The following DCHS2 variants were observed in gnomAD, a reference collection of about 807,000 sequenced individuals.
DCHS2 encodes the protein dachsous cadherin-related 2.
In DCHS2, 142 loss-of-function variants were observed where a neutral mutation model predicts 182.4. The observed-to-expected ratio is 0.78, with a 90% CI of 0.68 to 0.89. The LOEUF (loss-of-function observed/expected upper bound fraction) is 0.89, where lower values mean the gene tolerates loss of function less well. Ranked by LOEUF, DCHS2 falls within the 40% of genes least tolerant of loss-of-function variation. The pLI, the probability that DCHS2 is intolerant of heterozygous loss-of-function variation, is 0.00. For missense variants in DCHS2, 4,319 were observed against 4,198.6 expected (o/e 1.03, Z -0.79); for synonymous variants, 1,740 against 1,663.3 (o/e 1.05, Z -1.12).
At chr4:154,449,592 C>T (rs919428018) in intron 1 of DCHS2, among the ~76,000 whole-genome samples, 16 of 152,204 alleles carry the variant, frequency 1.1e-4, no homozygotes, top group African/African-American at 3.4e-4. Context: ...AGGCTGGTCT[C>T]GAACTCCTGG....
At chr4:154,377,535 C>T in intron 1 of DCHS2, 91 bp from the exon 2 acceptor site, 1 of 975,286 alleles carries the variant, frequency 1.0e-6, no homozygotes, top group Non-Finnish European at 1.5e-6. Flanking sequence ...TGCACAACCA[C>T]ATAACCCCCA....
intron 2 of DCHS2, among the ~76,000 whole-genome samples, chr4:154,369,847 G>C (rs1730558339): frequency 6.6e-6 from 1 of 152,180 alleles, no homozygotes; most frequent in Non-Finnish European, 1.5e-5. Context: ...GATGAAAGTT[G>C]TTTGGGAAAG....
chr4:154,358,815 A>T (rs747201219), intron 3 of DCHS2, among the ~76,000 whole-genome samples: 10 of 151,994 alleles, frequency 6.6e-5, no homozygotes, highest in African/African-American at 9.7e-5. Context: ...TGAATCCAAC[A>T]TGCTTAAATA....
In DCHS2 at chr4:154,490,186, G is replaced by C. The variant is rs912166201; in HGVS notation, c.1170C>G (p.Ala390=). The C allele has an allele frequency of 7.7e-6, 12 of 1,549,324 alleles. No homozygotes were observed. Among genetic ancestry groups the C allele is most frequent in the Non-Finnish European group, 7.8e-6 (9 of 1,146,650 alleles). Residue 390 remains alanine, a synonymous_variant, in exon 1 of 20, where the codon GCC becomes GCG. Coordinates refer to ENST00000357232, the MANE Select transcript of DCHS2 (RefSeq NM_001358235.2). ...QLVVEARDGG[A]EPEVATVRVS... ...CGCGCACCGTGGCAACCTCAGGCTCGGCGCCTCCATCGCGGGCCTCCACCA... is the reference window on the plus strand; with the variant it reads ...CGCGCACCGTGGCAACCTCAGGCTCCGCGCCTCCATCGCGGGCCTCCACCA...
At chr4:154,318,144 T>C (rs1008303019) in intron 9 of DCHS2, among the ~76,000 whole-genome samples, 1 of 152,008 alleles carries the variant, frequency 6.6e-6, no homozygotes, top group Non-Finnish European at 1.5e-5. Context: ...GCATAGTTAA[T>C]ATTAACAAAC....
intron 1 of DCHS2, among the ~76,000 whole-genome samples, chr4:154,422,132 ACCCTAAGTG>A (rs1024670213): frequency 6.6e-6 from 1 of 152,058 alleles, no homozygotes; most frequent in African/African-American, 2.4e-5. Flanking sequence ...CTTCTAGTCA[ACCCTAAGTG>A]TTAGAGTCCC....
intron 1 of DCHS2, among the ~76,000 whole-genome samples, chr4:154,400,761 C>G (rs1490681): frequency 0.71 from 107,481 of 152,030 alleles, 39,800 homozygotes; most frequent in Admixed American, 0.81. Context: ...CTCCCTCTCT[C>G]TCATGTAACG....
At chr4:154,309,059 G>A (rs1184125949) in intron 10 of DCHS2, among the ~76,000 whole-genome samples, 1 of 152,178 alleles carries the variant, frequency 6.6e-6, no homozygotes, top group African/African-American at 2.4e-5. Context: ...CTCTTTTCAT[G>A]GACTTGCTCC....
intron 1 of DCHS2, among the ~76,000 whole-genome samples, chr4:154,439,960 T>G (rs1454086255): frequency 6.6e-6 from 1 of 152,332 alleles, no homozygotes; most frequent in Admixed American, 6.5e-5. Flanking sequence ...TAGATGTGGT[T>G]AATTGATAAT....
Position 154,234,909 on chromosome 4 carries a change from GC to G in DCHS2, c.9742del (p.Ala3248ProfsTer10). On this transcript the variant is annotated frameshift_variant, in exon 20 of 20. Coordinates refer to ENST00000357232, the MANE Select transcript of DCHS2 (RefSeq NM_001358235.2). LOFTEE classifies it low-confidence loss of function (END_TRUNC). ...LSWEPKFQPL[A>X]SVFNDIAKLK... ...TTTTGCAATATCATTAAATACTGAG[GC>G]AAGAGGTTGGAATTTGGGCTCCCAA... 1 of 1,613,986 alleles carries G rather than the reference GC, an allele frequency of 6.2e-7. No individual in the cohort carries two copies. The highest frequency in any genetic ancestry group is 8.5e-7 in the Non-Finnish European group (1 of 1,179,926).
In DCHS2 at chr4:154,334,943, T is replaced by C; in HGVS notation, c.2638A>G (p.Lys880Glu). Residue 880 changes from lysine to glutamate, a missense_variant, in exon 4 of 20, where the codon AAG becomes GAG. By Grantham distance (56) the Lys-to-Glu change is moderately conservative. Coordinates refer to ENST00000357232, the MANE Select transcript of DCHS2 (RefSeq NM_001358235.2). ...TLAPAEFERP[K>E]YTFLVYEDVP... ...TCTTCATAAACTAAGAAAGTGTACT[T>C]AGGCCTTTCAAACTCAGCAGGTGCC... is the stretch of plus-strand genomic sequence containing the variant. 6.2e-7 allele frequency: 1 copy of C among 1,614,182 alleles called. No individual in the cohort carries two copies. Among genetic ancestry groups the C allele is most frequent in the Non-Finnish European group, 8.5e-7 (1 of 1,180,028 alleles).
chr4:154,373,919 C>G, intron 2 of DCHS2: 1 of 1,604,952 alleles, frequency 6.2e-7, no homozygotes, highest in Non-Finnish European at 8.5e-7. Flanking sequence ...ATGTTCCTTA[C>G]CTTCACCAGG....
At chr4:154,396,878 C>T (rs991540620) in intron 1 of DCHS2, among the ~76,000 whole-genome samples, 1 of 152,184 alleles carries the variant, frequency 6.6e-6, no homozygotes, top group East Asian at 1.9e-4. Flanking sequence ...GAATTCTCAG[C>T]GCTACTTCTC....
At chr4:154,442,092 C>T (rs1050885924) in intron 1 of DCHS2, among the ~76,000 whole-genome samples, 1 of 152,138 alleles carries the variant, frequency 6.6e-6, no homozygotes, top group African/African-American at 2.4e-5. Context: ...TCTGGGTGAC[C>T]TTTCAGCCTT....
intron 1 of DCHS2, among the ~76,000 whole-genome samples, chr4:154,398,224 T>C (rs997827841): frequency 6.6e-6 from 1 of 152,210 alleles, no homozygotes; most frequent in East Asian, 1.9e-4. Context: ...AAATCAAGAA[T>C]TGTACCCATA....
chr4:154,234,642 A>G lies in DCHS2; in HGVS notation c.10010T>C (p.Met3337Thr), dbSNP rs1194795489. 1 of 1,614,092 alleles carries G rather than the reference A, an allele frequency of 6.2e-7. No homozygotes were observed. The highest frequency in any genetic ancestry group is 2.2e-5 in the East Asian group (1 of 44,860). Residue 3337 changes from methionine to threonine, a missense_variant, in exon 20 of 20, where the codon ATG (methionine) becomes ACG (threonine). Physicochemically the swap from Met to Thr is moderately conservative, Grantham distance 81. Coordinates refer to ENST00000357232, the MANE Select transcript of DCHS2 (RefSeq NM_001358235.2). ...NFSPSLSLLT[M>T]QPPALSPLLR... ...CAGTGGAGACAAGGCAGGAGGCTGCATCGTCAATAGGGAAAGAGATGGAGA... is the reference window on the plus strand; with the variant it reads ...CAGTGGAGACAAGGCAGGAGGCTGCGTCGTCAATAGGGAAAGAGATGGAGA...
chr4:154,389,516 T>TTATATATATATATATATATATATACATA (rs72440696), intron 1 of DCHS2, among the ~76,000 whole-genome samples: 1 of 111,132 alleles, frequency 9.0e-6, no homozygotes, highest in Non-Finnish European at 2.0e-5. Flanking sequence ...AAGACAAAGG[T>TTATATATATATATATATATATATACATA]TATATATATA....
At chr4:154,432,973 G>C (rs1259193432) in intron 1 of DCHS2, among the ~76,000 whole-genome samples, 1 of 152,152 alleles carries the variant, frequency 6.6e-6, no homozygotes, top group Non-Finnish European at 1.5e-5. Context: ...ACCTTCCTCA[G>C]TGGGTTGAAT....
rs200563899 is a variant in DCHS2, at chr4:154,248,484, TC to T, written c.6942-5713del. On this transcript the variant is annotated intron_variant, in intron 16 of 19. Transcript: ENST00000357232. Reference sequence around the variant, plus strand: ...GTGAGGCAGTGGTTGCTGACTTTCATCTACACTCTATACACTATTTGATTTT... The same window carrying T: ...GTGAGGCAGTGGTTGCTGACTTTCATTACACTCTATACACTATTTGATTTT... Among the ~76,000 whole-genome samples the T allele has an allele frequency of 9.4e-3, 1,438 of 152,304 alleles. 31 individuals are homozygous for T. Among genetic ancestry groups the T allele is most frequent in the African/African-American group, 0.032 (1,330 of 41,558 alleles).
Sources: gnomAD v4.1 joint callset for allele counts (sites outside exome capture counted in the v4.1 genomes callset) on GRCh38, gnomAD v4.1.1 for gene constraint, MANE v1.5 for transcripts, NCBI Gene and HGNC (gene_info 2026-07-23, HGNC 2026-07-21) for gene names.